The following BCO1 variants were observed in gnomAD, a reference collection of about 807,000 sequenced individuals.
BCO1 encodes beta,beta-carotene 15,15'-dioxygenase.
In BCO1, 54 loss-of-function variants were observed where a neutral mutation model predicts 56.3. The ratio of observed to expected loss-of-function variants is 0.96; its 90% CI spans 0.77 to 1.20. The LOEUF is 1.20. Among genes scored for constraint, BCO1 ranks in the 50% most tolerant of loss-of-function variants. The pLI is 0.00. For missense variants in BCO1, 801 were observed against 690.9 expected (o/e 1.16, Z -1.79); for synonymous variants, 318 against 266.1 (o/e 1.20, Z -1.90).
chr16:81,251,834 C>CCACACACACACACACACG, intron 2 of BCO1, among the ~76,000 whole-genome samples: 1 of 144,962 alleles, frequency 6.9e-6, no homozygotes, highest in African/African-American at 2.6e-5. Flanking sequence ...TTATATATAC[C>CCACACACACACACACACG]CACACACACA....
rs148450525 is a variant in BCO1, at chr16:81,284,848, T to C, written c.1208-692T>C. On this transcript the variant is annotated intron_variant, in intron 8 of 10. Coordinates refer to ENST00000258168, the MANE Select transcript of BCO1 (RefSeq NM_017429.3). ...TCTTTTCTTTTCTTTTCTTTTTTTT[T>C]TTTTTCGAGACAGAGTCTCACTCTG... Among the ~76,000 whole-genome samples the C allele has an allele frequency of 8.2e-3, 1,245 of 150,916 alleles. 19 individuals carry two copies. Among genetic ancestry groups the C allele is most frequent in the African/African-American group, 0.029 (1,184 of 41,176 alleles).
intron 1 of BCO1, 106 bp from the exon 2 acceptor site, chr16:81,245,369 G>C (rs541703587): frequency 7.9e-5 from 118 of 1,502,008 alleles, no homozygotes; most frequent in Admixed American, 6.8e-4. Flanking sequence ...CAGATGCAAG[G>C]AGTGGTACTG....
At chr16:81,251,865 C>T (rs1298739725) in intron 2 of BCO1, among the ~76,000 whole-genome samples, 1 of 133,922 alleles carries the variant, frequency 7.5e-6, no homozygotes, top group African/African-American at 3.3e-5. Flanking sequence ...CACACACACA[C>T]ACACATATAT....
chr16:81,271,268 C>T (rs1021397254), intron 7 of BCO1, among the ~76,000 whole-genome samples: 1 of 151,992 alleles, frequency 6.6e-6, no homozygotes, highest in Admixed American at 6.6e-5. Flanking sequence ...GCGCCTGCCA[C>T]CACGCCCAGC....
intron 7 of BCO1, among the ~76,000 whole-genome samples, chr16:81,276,938 A>G (rs976157652): frequency 1.3e-5 from 2 of 151,816 alleles, no homozygotes; most frequent in African/African-American, 2.4e-5. Flanking sequence ...ATGGTGGCTC[A>G]TGCCTGTAAC....
intron 7 of BCO1, among the ~76,000 whole-genome samples, chr16:81,271,259 C>T (rs557968388): frequency 2.2e-4 from 34 of 151,800 alleles, no homozygotes; most frequent in African/African-American, 7.2e-4. Context: ...GGATTACAGG[C>T]GCCTGCCACC....
chr16:81,249,214 C>T (rs778536432), intron 2 of BCO1, among the ~76,000 whole-genome samples: 2 of 151,926 alleles, frequency 1.3e-5, no homozygotes, highest in African/African-American at 4.8e-5. Context: ...TCTCAGCCTC[C>T]GGCGTAGCTA....
At chr16:81,281,928 C>A (rs910118878) in intron 8 of BCO1, among the ~76,000 whole-genome samples, 1 of 152,224 alleles carries the variant, frequency 6.6e-6, no homozygotes, top group African/African-American at 2.4e-5. Context: ...AGAATATAAG[C>A]CCGTGAGGCG....
chr16:81,240,379 G>T (rs1248488123), intron 1 of BCO1, among the ~76,000 whole-genome samples: 1 of 151,544 alleles, frequency 6.6e-6, no homozygotes. Flanking sequence ...TTCTCAATTT[G>T]ACTGTTCATC....
At chr16:81,283,388 G>C (rs1907989795) in intron 8 of BCO1, among the ~76,000 whole-genome samples, 5 of 151,898 alleles carry the variant, frequency 3.3e-5, no homozygotes, top group Admixed American at 3.3e-4. Flanking sequence ...TCAAGAGTTT[G>C]AGACCAGCCT....
intron 9 of BCO1, among the ~76,000 whole-genome samples, chr16:81,286,351 A>G (rs1908178444): frequency 6.6e-6 from 1 of 152,196 alleles, no homozygotes. Context: ...ACAGCCAAAA[A>G]TTAAGCCTCC....
At chr16:81,265,678 C>G (rs1285477309) in intron 5 of BCO1, among the ~76,000 whole-genome samples, 1 of 150,954 alleles carries the variant, frequency 6.6e-6, no homozygotes, top group African/African-American at 2.4e-5. Context: ...ATCCATCCGT[C>G]CACCCACCAT....
In BCO1 at chr16:81,259,493, A is replaced by T. The variant is rs183643799; in HGVS notation, c.194-183A>T. 2.6e-3 allele frequency among the ~76,000 whole-genome samples: 397 copies of T among 152,222 alleles called. 2 individuals carry two copies. The highest frequency in any genetic ancestry group is 9.1e-3 in the African/African-American group (379 of 41,548). The stretch of plus-strand genomic sequence containing the variant: ...TGGGCAACAAGAGCAAAACTCAAAA[A>T]AATAATAATAATAAATAAAATTATA... On this transcript the variant is annotated intron_variant, in intron 2 of 10. Coordinates refer to ENST00000258168, the MANE Select transcript of BCO1 (RefSeq NM_017429.3).
In BCO1 at chr16:81,270,253, A is replaced by T; in HGVS notation, c.938A>T (p.Tyr313Phe). The T allele has an allele frequency of 6.2e-7, 1 of 1,614,212 alleles. No individual in the cohort carries two copies. Among genetic ancestry groups the T allele is most frequent in the Non-Finnish European group, 8.5e-7 (1 of 1,180,042 alleles). The change falls in exon 7 of 11, where the codon TAC becomes TTC. Residue 313 changes from tyrosine (Y) to phenylalanine (F), a missense_variant. Physicochemically the swap from Tyr to Phe is conservative, Grantham distance 22. Transcript: ENST00000258168. ...GTGGTCTTCCATCACGTCAACGCCT[A>T]CGAAGAGGACGGCTGCATCGTGTTT... ...AMVVFHHVNAYEEDGCIVFDV... is the reference protein window; with the variant it reads ...AMVVFHHVNAFEEDGCIVFDV...
intron 10 of BCO1, among the ~76,000 whole-genome samples, chr16:81,287,914 G>A (rs557843539): frequency 3.3e-5 from 5 of 152,274 alleles, no homozygotes; most frequent in African/African-American, 1.2e-4. Context: ...TTGGGACTCA[G>A]TCATGTAAAC....
chr16:81,249,395 T>G (rs1218046822), intron 2 of BCO1, among the ~76,000 whole-genome samples: 1 of 152,144 alleles, frequency 6.6e-6, no homozygotes, highest in Non-Finnish European at 1.5e-5. Flanking sequence ...TAGCTGGGAC[T>G]ACAGGCTCCC....
chr16:81,251,964 G>T (rs1345338723), intron 2 of BCO1, among the ~76,000 whole-genome samples: 2 of 151,708 alleles, frequency 1.3e-5, no homozygotes, highest in Admixed American at 1.3e-4. Flanking sequence ...CCAGGCAGGA[G>T]CACGTCTGTT....
rs1179096219 is a variant in BCO1 at position 81,267,963 on chromosome 16, C to G, written c.675C>G (p.Ile225Met). ...AGCACACAGAGGTGTTCTGCTCCAT[C>G]CCATCCCGCTCCCTGCTCTCCCCAA... ...PWKHTEVFCS[I>M]PSRSLLSPSY... Residue 225 changes from isoleucine to methionine, a missense_variant, in exon 6 of 11, where the codon ATC becomes ATG. By Grantham distance (10) the Ile-to-Met change is conservative. Coordinates refer to ENST00000258168, the MANE Select transcript of BCO1 (RefSeq NM_017429.3). 6.2e-7 allele frequency: 1 copy of G among 1,613,874 alleles called. No homozygotes were observed. Among genetic ancestry groups the G allele is most frequent in the Non-Finnish European group, 8.5e-7 (1 of 1,180,024 alleles).
intron 7 of BCO1, among the ~76,000 whole-genome samples, chr16:81,275,319 C>A (rs914860161): frequency 6.6e-6 from 1 of 152,238 alleles, no homozygotes; most frequent in Non-Finnish European, 1.5e-5. Flanking sequence ...CCTGAGACCC[C>A]CATGTCCGGG....
Sources: gnomAD v4.1 joint callset for allele counts (sites outside exome capture counted in the v4.1 genomes callset) on GRCh38, gnomAD v4.1.1 for gene constraint, MANE v1.5 for transcripts, NCBI Gene and HGNC (gene_info 2026-07-23, HGNC 2026-07-21) for gene names.